ACSF2: variants seen among roughly 807,000 people sequenced by gnomAD.
The protein encoded by ACSF2 is medium-chain acyl-CoA ligase ACSF2, mitochondrial.
Under a neutral mutation model 79.3 loss-of-function variants are expected in ACSF2, and 52 were observed. The ratio of observed to expected loss-of-function variants is 0.66; its 90% CI spans 0.53 to 0.83. The LOEUF is 0.83. Ranked by LOEUF, ACSF2 falls within the 40% of genes least tolerant of loss-of-function variation. The pLI is 0.00. For missense variants in ACSF2, 661 were observed against 803.3 expected (o/e 0.82, Z 2.14); for synonymous variants, 283 against 312.6 (o/e 0.91, Z 1.00).
intron 12 of ACSF2, chr17:50,472,879 C>T (rs922533065): frequency 1.2e-5 from 3 of 242,930 alleles, no homozygotes; most frequent in African/African-American, 2.3e-5. Flanking sequence ...CCGTTCTCGC[C>T]GCTAGAGGTC....
At chr17:50,448,760 C>A (rs1203737195) in intron 1 of ACSF2, among the ~76,000 whole-genome samples, 1 of 152,132 alleles carries the variant, frequency 6.6e-6, no homozygotes, top group Non-Finnish European at 1.5e-5. Flanking sequence ...AATGTCCTCA[C>A]AGAAGCATTT....
chr17:50,438,701 G>C (rs190340285), intron 1 of ACSF2, among the ~76,000 whole-genome samples: 1 of 151,996 alleles, frequency 6.6e-6, no homozygotes, highest in Non-Finnish European at 1.5e-5. Context: ...CGAGTAGCTG[G>C]GATTATAGGC....
intron 1 of ACSF2, among the ~76,000 whole-genome samples, chr17:50,452,972 G>A (rs1247422874): frequency 1.3e-5 from 2 of 152,182 alleles, no homozygotes; most frequent in African/African-American, 4.8e-5. Context: ...TATCTCTGAT[G>A]ATCAGATAGG....
intron 12 of ACSF2, chr17:50,472,862 G>T (rs964059666): frequency 3.2e-5 from 10 of 311,174 alleles, no homozygotes; most frequent in Non-Finnish European, 4.7e-5. Flanking sequence ...TTCCTTATGT[G>T]CTAGCACCGT....
intron 1 of ACSF2, among the ~76,000 whole-genome samples, chr17:50,429,662 G>A (rs528419791): frequency 3.9e-5 from 6 of 152,018 alleles, no homozygotes; most frequent in Non-Finnish European, 7.4e-5. Context: ...TGGGATTACC[G>A]GTGTGCGCCA....
intron 1 of ACSF2, among the ~76,000 whole-genome samples, chr17:50,442,069 C>T (rs901088041): frequency 6.6e-6 from 1 of 152,052 alleles, no homozygotes; most frequent in African/African-American, 2.4e-5. Context: ...CTTTGGGAGG[C>T]CCAGATGGGT....
rs59174701 is a variant in ACSF2 at position 50,461,738 on chromosome 17, T to C, written c.507+52T>C. On this transcript the variant is annotated intron_variant, in intron 4 of 15. Transcript: ENST00000300441. ...CCGGCTGGGGCCTGGCACAGGGGGC[T>C]GCACAGACTCTGCTTGTCAGAGTCT... 17,718 of 1,603,944 alleles carry C rather than the reference T, an allele frequency of 0.011. 1,777 individuals are homozygous for C. The African/African-American group carries it at 0.21, about 19-fold the overall frequency.
At chr17:50,436,381 G>A (rs1411833011) in intron 1 of ACSF2, among the ~76,000 whole-genome samples, 1 of 151,692 alleles carries the variant, frequency 6.6e-6, no homozygotes, top group Admixed American at 6.6e-5. Flanking sequence ...CACCTGCCTT[G>A]GCCTCCCAAA....
At chr17:50,440,853 C>A (rs1257503121) in intron 1 of ACSF2, among the ~76,000 whole-genome samples, 1 of 152,240 alleles carries the variant, frequency 6.6e-6, no homozygotes, top group African/African-American at 2.4e-5. Context: ...GGTGAGCTGG[C>A]TCACAAGAGC....
intron 1 of ACSF2, among the ~76,000 whole-genome samples, chr17:50,431,513 TC>T (rs1368851713): frequency 6.6e-6 from 1 of 152,336 alleles, no homozygotes; most frequent in African/African-American, 2.4e-5. Context: ...CCTTTGTACT[TC>T]CGTGAAATCT....
chr17:50,460,284 C>G (rs1318666965), intron 1 of ACSF2: 1 of 462,700 alleles, frequency 2.2e-6, no homozygotes, highest in South Asian at 1.5e-5. Context: ...GCACGCTTCC[C>G]TGGTTCCTCA....
chr17:50,455,461 G>C (rs945700676), intron 1 of ACSF2, among the ~76,000 whole-genome samples: 1 of 152,110 alleles, frequency 6.6e-6, no homozygotes, highest in Non-Finnish European at 1.5e-5. Flanking sequence ...CTGATGAGGG[G>C]ATGTTATTAA....
intron 6 of ACSF2, chr17:50,462,810 C>T: frequency 1.6e-6 from 1 of 606,910 alleles, no homozygotes; most frequent in Non-Finnish European, 2.8e-6. Context: ...GTTCCCGGTG[C>T]AGTGGCAGAT....
intron 10 of ACSF2, 70 bp downstream of exon 10, chr17:50,464,364 G>A: frequency 2.0e-6 from 3 of 1,468,436 alleles, no homozygotes; most frequent in East Asian, 2.3e-5. Context: ...ACAGACATGG[G>A]GATGAGTCCA....
chr17:50,458,477 CATAA>C (rs1217985749), intron 1 of ACSF2, among the ~76,000 whole-genome samples: 1 of 152,190 alleles, frequency 6.6e-6, no homozygotes, highest in African/African-American at 2.4e-5. Context: ...TCAGCTTAGG[CATAA>C]ATTTCTTAAG....
At chr17:50,435,372 C>CT (rs2030314455) in intron 1 of ACSF2, among the ~76,000 whole-genome samples, 1 of 151,648 alleles carries the variant, frequency 6.6e-6, no homozygotes, top group East Asian at 1.9e-4. Flanking sequence ...TTTTCATCCT[C>CT]TTAAAAGGGT....
chr17:50,426,353 G>T lies in ACSF2; in HGVS notation c.92G>T (p.Trp31Leu). The T allele has an allele frequency of 7.0e-7, 1 of 1,424,440 alleles. No individual in the cohort carries two copies. Among genetic ancestry groups the T allele is most frequent in the South Asian group, 1.6e-5 (1 of 63,332 alleles). 88.2% of individuals were successfully genotyped at this position (1,424,440 alleles called of 1,614,324 possible). ...GCCCGGGCCGCCCTCTCTCGGAGTTGGCAGGAAGCCAGGTTGCAGGGTGTC... is the reference window on the plus strand; with the variant it reads ...GCCCGGGCCGCCCTCTCTCGGAGTTTGCAGGAAGCCAGGTTGCAGGGTGTC... Reference protein sequence around the residue: ...LGARAALSRSWQEARLQGVRF... With the variant: ...LGARAALSRSLQEARLQGVRF... The change falls in exon 1 of 16, where the codon TGG becomes TTG. Residue 31 changes from tryptophan to leucine, a missense_variant. Trp to Leu is a moderately conservative substitution (Grantham distance 61, BLOSUM62 -2). Coordinates refer to ENST00000300441, the MANE Select transcript of ACSF2 (RefSeq NM_025149.6).
At position 50,474,057 on chromosome 17, in the gene ACSF2, C is replaced by G; in HGVS notation, c.1728+53C>G. On this transcript the variant is annotated intron_variant, in intron 14 of 15. Coordinates refer to ENST00000300441, the MANE Select transcript of ACSF2 (RefSeq NM_025149.6). The surrounding 1 kb of genome is among the most constrained non-coding windows in gnomAD (Gnocchi z 4.2). ...TGCTGCTCTGTTCTTTGCTCACCCA[C>G]TCCTCTGCCAACCAGCCCAGGGTGG... 6.4e-7 allele frequency: 1 copy of G among 1,557,780 alleles called. No individual in the cohort carries two copies. The highest frequency in any genetic ancestry group is 1.2e-5 in the South Asian group (1 of 81,794).
intron 12 of ACSF2, 58 bp downstream of exon 12, chr17:50,472,637 A>G (rs1333940862): frequency 6.5e-7 from 1 of 1,542,858 alleles, no homozygotes; most frequent in Non-Finnish European, 8.7e-7. Flanking sequence ...GGAGGTCTTG[A>G]GGCTGAGCCG....
Sources: allele counts gnomAD v4.1 joint callset (sites outside exome capture counted in the v4.1 genomes callset), GRCh38; gene constraint gnomAD v4.1.1; non-coding constraint Gnocchi (gnomAD v3.1); transcripts MANE v1.5; gene names NCBI Gene and HGNC (gene_info 2026-07-23, HGNC 2026-07-21).